Variants in CRYBG1 observed in about 807,000 individuals in gnomAD.
CRYBG1 encodes the protein crystallin beta-gamma domain containing 1, also known as beta/gamma crystallin domain-containing protein 1.
Under a neutral mutation model 189.2 loss-of-function variants are expected in CRYBG1, and 139 were observed. The observed-to-expected ratio is 0.73, with a 90% confidence interval of 0.64 to 0.85. The LOEUF is 0.85. CRYBG1 is among the 40% of genes least tolerant of loss of function. The pLI is 0.00. For missense variants in CRYBG1, 2,611 were observed against 2,675.8 expected, an observed-to-expected ratio of 0.98 and a Z score of 0.53; for synonymous variants, 1,023 against 1,017.1, an observed-to-expected ratio of 1.01 and a Z score of -0.11.
chr6:106,447,415 C>T (rs1358043864), intron 1 of CRYBG1, among the ~76,000 whole-genome samples: 1 of 151,976 alleles, frequency 6.6e-6, no homozygotes, highest in Non-Finnish European at 1.5e-5. Flanking sequence ...TGTAATTGTA[C>T]ACTTAAAAAT....
intron 13 of CRYBG1, among the ~76,000 whole-genome samples, chr6:106,548,762 CTTTAAGT>C (rs1774321946): frequency 6.6e-6 from 1 of 150,828 alleles, no homozygotes; most frequent in Non-Finnish European, 1.5e-5. Flanking sequence ...TATTATTATA[CTTTAAGT>C]TTTAGGGTAC....
At chr6:106,415,852 A>G (rs906606719) in intron 1 of CRYBG1, among the ~76,000 whole-genome samples, 1 of 152,132 alleles carries the variant, frequency 6.6e-6, no homozygotes, top group Non-Finnish European at 1.5e-5. Context: ...CTTTTCTCCT[A>G]TAACATTTCC....
intron 1 of CRYBG1, among the ~76,000 whole-genome samples, chr6:106,390,969 C>CAT (rs1026011230): frequency 5.3e-5 from 8 of 152,186 alleles, no homozygotes; most frequent in African/African-American, 1.9e-4. Context: ...ATGGGGCAAA[C>CAT]ATATGCTTCA....
chr6:106,375,499 T>C (rs896114234), intron 1 of CRYBG1, among the ~76,000 whole-genome samples: 20 of 152,136 alleles, frequency 1.3e-4, no homozygotes, highest in Non-Finnish European at 2.8e-4. Flanking sequence ...AAGTATGATG[T>C]GAACTGTGGA....
At chr6:106,513,610 G>A (rs1773351114) in intron 3 of CRYBG1, among the ~76,000 whole-genome samples, 1 of 152,212 alleles carries the variant, frequency 6.6e-6, no homozygotes, top group African/African-American at 2.4e-5. Flanking sequence ...ATGTTAGGGA[G>A]TCTGGTGATA....
rs555156043 is a variant in CRYBG1 at position 106,449,131 on chromosome 6, A to G, written c.174-2563A>G. ...AGGGATTGTATCACAAGCAAAATAC[A>G]TAGAAAAGGCTACACTTGCCAGCTT... On this transcript the variant is annotated intron_variant, in intron 1 of 21. Coordinates refer to ENST00000633556, the MANE Select transcript of CRYBG1 (RefSeq NM_001371242.2). Among the ~76,000 whole-genome samples, 9 of 152,352 alleles carry G rather than the reference A, an allele frequency of 5.9e-5. No homozygotes were observed. In the East Asian group the frequency reaches 1.3e-3, roughly 23 times the overall value.
intron 1 of CRYBG1, among the ~76,000 whole-genome samples, chr6:106,379,768 C>T (rs1391134089): frequency 2.0e-5 from 3 of 152,018 alleles, no homozygotes; most frequent in African/African-American, 7.3e-5. Flanking sequence ...CACTGTGTTG[C>T]CCAGCTTGAG....
chr6:106,444,793 A>G (rs1303608731), intron 1 of CRYBG1, among the ~76,000 whole-genome samples: 1 of 152,170 alleles, frequency 6.6e-6, no homozygotes, highest in Non-Finnish European at 1.5e-5. Flanking sequence ...GGGGAACTTA[A>G]ACATTTCTGC....
intron 15 of CRYBG1, among the ~76,000 whole-genome samples, chr6:106,553,170 TAA>T (rs1157467293): frequency 6.6e-6 from 1 of 152,228 alleles, no homozygotes; most frequent in Non-Finnish European, 1.5e-5. Context: ...AATAAAGCTT[TAA>T]AATACCTCAC....
intron 2 of CRYBG1, among the ~76,000 whole-genome samples, chr6:106,458,777 C>A (rs1771942686): frequency 6.6e-6 from 1 of 152,112 alleles, no homozygotes; most frequent in Non-Finnish European, 1.5e-5. Context: ...ATGATACCAC[C>A]CTTCTCCTCC....
rs1228409779 is a variant in CRYBG1, at chr6:106,560,748, TG to T, written c.5856-51del. On this transcript the variant is annotated intron_variant, in intron 18 of 21. Transcript: ENST00000633556. ...AAAGCATTCTAAAAATAAATGTAAT[TG>T]GGGTCCACTGTCAAATGAAAATTGC... The T allele has an allele frequency of 3.8e-6, 6 of 1,567,766 alleles. No homozygotes were observed. In the African/African-American group the frequency reaches 6.9e-5, roughly 18 times the overall value.
intron 2 of CRYBG1, among the ~76,000 whole-genome samples, chr6:106,499,594 T>C (rs1437092660): frequency 2.0e-5 from 3 of 152,184 alleles, no homozygotes; most frequent in Admixed American, 1.3e-4. Context: ...ATACATTGTG[T>C]TGTATACATG....
At chr6:106,554,052 A>T (rs1774472652) in intron 16 of CRYBG1, among the ~76,000 whole-genome samples, 1 of 152,192 alleles carries the variant, frequency 6.6e-6, no homozygotes, top group Non-Finnish European at 1.5e-5. Flanking sequence ...TCCACAGGAA[A>T]CACAAGACCC....
At chr6:106,387,590 T>C (rs72947637) in intron 1 of CRYBG1, among the ~76,000 whole-genome samples, 6 of 152,322 alleles carry the variant, frequency 3.9e-5, no homozygotes, top group Non-Finnish European at 7.4e-5. Context: ...CGACAGGACA[T>C]TTGCTATCCA....
chr6:106,425,727 G>A (rs1341460894), intron 1 of CRYBG1, among the ~76,000 whole-genome samples: 6 of 152,138 alleles, frequency 3.9e-5, no homozygotes, highest in Non-Finnish European at 5.9e-5. Context: ...CGCCTCCCAG[G>A]TTCAAGCAAT....
intron 1 of CRYBG1, among the ~76,000 whole-genome samples, chr6:106,410,173 A>T (rs6568438): frequency 0.52 from 78,838 of 152,020 alleles, 20,767 homozygotes; most frequent in South Asian, 0.72. Context: ...AAACAAATTC[A>T]CAAGAAAAAA....
chr6:106,553,272 C>T (rs1770728), intron 15 of CRYBG1, among the ~76,000 whole-genome samples, 183 bp from the exon 16 acceptor site: 125,657 of 152,180 alleles, frequency 0.83, 52,598 homozygotes, highest in Non-Finnish European at 0.89. Context: ...TCACGAATGG[C>T]GCAGCTAACA....
At chr6:106,481,998 G>T (rs1271372042) in intron 2 of CRYBG1, among the ~76,000 whole-genome samples, 3 of 121,934 alleles carry the variant, frequency 2.5e-5, no homozygotes, top group Non-Finnish European at 5.0e-5. Context: ...TTCTCTCCCA[G>T]TCAGGTATTT....
chr6:106,508,079 C>CA (rs1052140822), intron 2 of CRYBG1, among the ~76,000 whole-genome samples: 16 of 152,250 alleles, frequency 1.1e-4, no homozygotes, highest in African/African-American at 2.6e-4. Flanking sequence ...AAACTCTCTA[C>CA]AAAAAAGTTA....
Sources: allele counts gnomAD v4.1 joint callset (sites outside exome capture counted in the v4.1 genomes callset), GRCh38; gene constraint gnomAD v4.1.1; transcripts MANE v1.5; gene names NCBI Gene and HGNC (gene_info 2026-07-23, HGNC 2026-07-21).